The following CYP39A1 variants were observed in gnomAD, a reference collection of about 807,000 sequenced individuals.
CYP39A1 encodes the protein 24-hydroxycholesterol 7-alpha-hydroxylase.
In CYP39A1, 49 loss-of-function variants were observed where a neutral mutation model predicts 58.1. The ratio of observed to expected loss-of-function variants is 0.84; its 90% confidence interval spans 0.67 to 1.07. CYP39A1 has a LOEUF of 1.07. CYP39A1 is among the 50% of genes least tolerant of loss of function. CYP39A1 has a pLI of 0.00. For missense variants in CYP39A1, 531 were observed against 539.4 expected (o/e 0.98, Z 0.16); for synonymous variants, 209 against 187.6 (o/e 1.11, Z -0.93).
intron 3 of CYP39A1, among the ~76,000 whole-genome samples, chr6:46,638,798 G>T (rs547531673): frequency 2.6e-5 from 4 of 152,240 alleles, no homozygotes; most frequent in African/African-American, 9.6e-5. Flanking sequence ...GGCATTCCAG[G>T]ATTCCTGCTG....
intron 7 of CYP39A1, among the ~76,000 whole-genome samples, chr6:46,609,013 C>T (rs749844034): frequency 6.6e-6 from 1 of 152,028 alleles, no homozygotes; most frequent in Admixed American, 6.5e-5. Context: ...TGACTTGTCT[C>T]TAAATGGAGA....
At chr6:46,561,182 T>A (rs1770950128) in intron 10 of CYP39A1, among the ~76,000 whole-genome samples, 1 of 152,224 alleles carries the variant, frequency 6.6e-6, no homozygotes, top group Non-Finnish European at 1.5e-5. Flanking sequence ...AAATGCTGGC[T>A]AATTTTGTAT....
chr6:46,648,812 TA>T lies in CYP39A1; in HGVS notation c.177+3593del, dbSNP rs1048128003. 3.4e-3 allele frequency among the ~76,000 whole-genome samples: 486 copies of T among 144,474 alleles called. 1 individual carries two copies. Among genetic ancestry groups the T allele is most frequent in the South Asian group, 0.024 (107 of 4,518 alleles). The allele number at this position is 144,474 out of a possible 152,430, so 94.8% of individuals were successfully genotyped here. A position where few individuals can be genotyped will look rare whatever the true frequency, so the allele number is the denominator to read the frequency against. On this transcript the variant is annotated intron_variant, in intron 1 of 11. Transcript: ENST00000275016. The stretch of plus-strand genomic sequence containing the variant: ...GTATATTAAAACAGTTGGTAAAAGT[TA>T]AAAAAAAAAACAAATAATGTTTCCA...
intron 10 of CYP39A1, among the ~76,000 whole-genome samples, chr6:46,567,357 T>A (rs1381919620): frequency 1.3e-5 from 2 of 152,126 alleles, no homozygotes; most frequent in Admixed American, 1.3e-4. Context: ...TATATAACTT[T>A]TTTATCCATT....
rs10568938 is a variant in CYP39A1 at position 46,627,422 on chromosome 6, ATTT to A, written c.841-1917_841-1915del. ...AAATGGCTGTTACTTTTATTTATTTATTTTTTTTTTTTTTGAGACAGAGTCTCG... is the reference window on the plus strand; with the variant it reads ...AAATGGCTGTTACTTTTATTTATTTATTTTTTTTTTTGAGACAGAGTCTCG... On this transcript the variant is annotated intron_variant, in intron 6 of 11. Transcript: ENST00000275016. Among the ~76,000 whole-genome samples, 846 of 129,734 alleles carry A rather than the reference ATTT, an allele frequency of 6.5e-3. 7 individuals are homozygous for A. The highest frequency in any genetic ancestry group is 0.018 in the African/African-American group (620 of 34,518). 85.1% of individuals were successfully genotyped at this position (129,734 alleles called of 152,430 possible).
At chr6:46,642,038 C>T in intron 2 of CYP39A1, 125 bp downstream of exon 2, 1 of 1,053,446 alleles carries the variant, frequency 9.5e-7, no homozygotes. Flanking sequence ...TCTACCCATA[C>T]CTCAAGAATA....
intron 7 of CYP39A1, among the ~76,000 whole-genome samples, chr6:46,596,755 C>T (rs149176038): frequency 1.4e-4 from 21 of 152,042 alleles, no homozygotes; most frequent in South Asian, 1.0e-3. Flanking sequence ...GTGGGGTGGA[C>T]GAAGGGCATC....
intron 10 of CYP39A1, among the ~76,000 whole-genome samples, chr6:46,584,309 G>GAT (rs1380408715): frequency 6.6e-6 from 1 of 152,132 alleles, no homozygotes; most frequent in Non-Finnish European, 1.5e-5. Context: ...TTGGTTAAGT[G>GAT]ATATATATAT....
intron 10 of CYP39A1, among the ~76,000 whole-genome samples, chr6:46,571,939 T>A (rs1771605813): frequency 6.6e-6 from 1 of 152,104 alleles, no homozygotes; most frequent in Non-Finnish European, 1.5e-5. Context: ...ACAGAAAACA[T>A]ACTTATAGCA....
intron 10 of CYP39A1, among the ~76,000 whole-genome samples, chr6:46,566,758 C>T (rs1204927354): frequency 1.3e-5 from 2 of 151,544 alleles, no homozygotes; most frequent in African/African-American, 4.8e-5. Flanking sequence ...TTATTTATAG[C>T]TCATTGAGAT....
At chr6:46,567,812 T>C (rs1296534022) in intron 10 of CYP39A1, among the ~76,000 whole-genome samples, 4 of 152,050 alleles carry the variant, frequency 2.6e-5, no homozygotes. Context: ...TGGTTAAGGT[T>C]TACTGGGGCA....
chr6:46,646,355 C>A (rs1397653459), intron 1 of CYP39A1, among the ~76,000 whole-genome samples: 2 of 151,962 alleles, frequency 1.3e-5, no homozygotes, highest in African/African-American at 4.8e-5. Context: ...TTGTCAAATG[C>A]TTTTTCTGTA....
At chr6:46,608,380 T>C (rs1773979130) in intron 7 of CYP39A1, among the ~76,000 whole-genome samples, 1 of 152,068 alleles carries the variant, frequency 6.6e-6, no homozygotes, top group Non-Finnish European at 1.5e-5. Context: ...GAGACAAAGC[T>C]AAAGATAAAG....
intron 7 of CYP39A1, among the ~76,000 whole-genome samples, chr6:46,614,337 A>G (rs968002838): frequency 6.6e-6 from 1 of 152,194 alleles, no homozygotes. Flanking sequence ...TTGATTTACC[A>G]TATTTAGAGA....
chr6:46,643,117 C>T (rs1776444377), intron 1 of CYP39A1, among the ~76,000 whole-genome samples: 1 of 152,112 alleles, frequency 6.6e-6, no homozygotes, highest in African/African-American at 2.4e-5. Flanking sequence ...CATACTGTAG[C>T]ACAGGGTTTG....
intron 7 of CYP39A1, among the ~76,000 whole-genome samples, chr6:46,623,084 G>C (rs1441297760): frequency 6.6e-6 from 1 of 152,192 alleles, no homozygotes. Flanking sequence ...AGGAAATGGT[G>C]ATCTTGCGGG....
intron 7 of CYP39A1, among the ~76,000 whole-genome samples, chr6:46,597,391 C>T (rs931896233): frequency 2.0e-5 from 3 of 151,970 alleles, no homozygotes; most frequent in Non-Finnish European, 2.9e-5. Context: ...GTAAAATATT[C>T]TAAGGTAGTT....
chr6:46,631,865 AGATTT>A (rs1211853190), intron 5 of CYP39A1, among the ~76,000 whole-genome samples: 4 of 152,236 alleles, frequency 2.6e-5, no homozygotes, highest in African/African-American at 9.6e-5. Flanking sequence ...CGGTTTCCCC[AGATTT>A]GTCTTTGCCA....
At chr6:46,631,221 G>C in intron 5 of CYP39A1, 151 bp from the exon 6 acceptor site, 1 of 647,066 alleles carries the variant, frequency 1.5e-6, no homozygotes, top group East Asian at 2.7e-5. Flanking sequence ...AGGGATTTAT[G>C]TCCTTACTGT....
Sources: gnomAD v4.1 joint callset for allele counts (sites outside exome capture counted in the v4.1 genomes callset) on GRCh38, gnomAD v4.1.1 for gene constraint, MANE v1.5 for transcripts, NCBI Gene and HGNC (gene_info 2026-07-23, HGNC 2026-07-21) for gene names.